The following DOK6 variants were observed in gnomAD, a reference collection of about 807,000 sequenced individuals.
The protein encoded by DOK6 is downstream of tyrosine kinase 6.
In DOK6, 22 loss-of-function variants were observed where a neutral mutation model predicts 44.0. The ratio of observed to expected loss-of-function variants is 0.50; its 90% CI spans 0.36 to 0.71. The LOEUF (loss-of-function observed/expected upper bound fraction) is 0.71, where lower values mean the gene tolerates loss of function less well. DOK6 is among the 30% of genes least tolerant of loss of function. The pLI is 0.00. For synonymous variants in DOK6, 166 were observed against 145.5 expected, an observed-to-expected ratio of 1.14 and a Z score of -1.01; for missense variants, 340 against 416.4, an observed-to-expected ratio of 0.82 and a Z score of 1.60.
At chr18:69,675,210 A>C (rs1985892770) in intron 3 of DOK6, among the ~76,000 whole-genome samples, 1 of 152,146 alleles carries the variant, frequency 6.6e-6, no homozygotes, top group Non-Finnish European at 1.5e-5. Flanking sequence ...CTCCAGTTTC[A>C]TAGAAGCCTT....
chr18:69,817,899 T>C (rs920783145), intron 7 of DOK6, among the ~76,000 whole-genome samples: 24 of 152,102 alleles, frequency 1.6e-4, no homozygotes, highest in African/African-American at 5.8e-4. Context: ...TTAATCCAAT[T>C]ATGGATTTTA....
chr18:69,417,595 G>C (rs891662256), intron 1 of DOK6, among the ~76,000 whole-genome samples: 2 of 151,996 alleles, frequency 1.3e-5, no homozygotes, highest in Non-Finnish European at 2.9e-5. Flanking sequence ...TGGGATTGCT[G>C]GATCATATGG....
At chr18:69,624,481 A>G (rs989544776) in intron 3 of DOK6, among the ~76,000 whole-genome samples, 1 of 152,142 alleles carries the variant, frequency 6.6e-6, no homozygotes, top group Admixed American at 6.5e-5. Context: ...AGGAAAAAAT[A>G]ATTGTAGTCT....
chr18:69,792,601 T>G (rs1014074917), intron 7 of DOK6, among the ~76,000 whole-genome samples: 7 of 152,136 alleles, frequency 4.6e-5, no homozygotes, highest in Admixed American at 3.9e-4. Context: ...CTTAGTTTTT[T>G]CCAAATATTA....
intron 1 of DOK6, among the ~76,000 whole-genome samples, chr18:69,536,979 CATTATT>C (rs6146369): frequency 3.5e-4 from 51 of 144,858 alleles, no homozygotes; most frequent in African/African-American, 7.0e-4. Context: ...GAAGATTTAT[CATTATT>C]ATTATTATTA....
intron 1 of DOK6, among the ~76,000 whole-genome samples, chr18:69,454,797 A>G (rs974164459): frequency 6.8e-5 from 10 of 146,626 alleles, no homozygotes; most frequent in African/African-American, 2.5e-4. Flanking sequence ...TTCTCAGTAA[A>G]CTGTCGCAAG....
At chr18:69,751,924 G>C (rs1444673517) in intron 6 of DOK6, among the ~76,000 whole-genome samples, 1 of 151,952 alleles carries the variant, frequency 6.6e-6, no homozygotes, top group African/African-American at 2.4e-5. Flanking sequence ...AGGAAATAAA[G>C]CTACAATTTA....
At chr18:69,569,957 A>G (rs1325286527) in intron 2 of DOK6, among the ~76,000 whole-genome samples, 4 of 152,018 alleles carry the variant, frequency 2.6e-5, no homozygotes, top group African/African-American at 7.2e-5. Context: ...ACCATATACC[A>G]CCTGTTCTCA....
At chr18:69,493,195 A>G (rs985892231) in intron 1 of DOK6, among the ~76,000 whole-genome samples, 21 of 152,196 alleles carry the variant, frequency 1.4e-4, no homozygotes, top group African/African-American at 5.1e-4. Flanking sequence ...ACTTTAAAAG[A>G]TTATAAAATA....
chr18:69,739,136 G>A, intron 6 of DOK6, 33 bp downstream of exon 6: 1 of 1,610,952 alleles, frequency 6.2e-7, no homozygotes, highest in Non-Finnish European at 8.5e-7. Flanking sequence ...CTATCAGCTT[G>A]GAAATGAATG....
intron 3 of DOK6, among the ~76,000 whole-genome samples, chr18:69,669,655 C>G (rs111376075): frequency 1.3e-5 from 2 of 152,216 alleles, no homozygotes; most frequent in South Asian, 4.1e-4. Flanking sequence ...AACTCTCCCT[C>G]GGACCCCTTC....
At chr18:69,407,878 A>C (rs924683419) in intron 1 of DOK6, among the ~76,000 whole-genome samples, 1 of 152,236 alleles carries the variant, frequency 6.6e-6, no homozygotes, top group Non-Finnish European at 1.5e-5. Context: ...GAACAAAGAC[A>C]TATTAATGCT....
At chr18:69,545,516 CA>C (rs397760145) in intron 1 of DOK6, among the ~76,000 whole-genome samples, 6,687 of 69,526 alleles carry the variant, frequency 0.096, 451 homozygotes, top group African/African-American at 0.23. Flanking sequence ...AGTGAAATAC[CA>C]AAAAAAAAAA....
At chr18:69,565,259 T>G (rs1246469305) in intron 2 of DOK6, among the ~76,000 whole-genome samples, 2 of 152,180 alleles carry the variant, frequency 1.3e-5, no homozygotes, top group Non-Finnish European at 2.9e-5. Context: ...TCAGTAAAGA[T>G]TTTAATTTCT....
At chr18:69,646,064 G>T (rs894899167) in intron 3 of DOK6, among the ~76,000 whole-genome samples, 1 of 152,010 alleles carries the variant, frequency 6.6e-6, no homozygotes, top group African/African-American at 2.4e-5. Context: ...TTTATTCTCT[G>T]CAGTTTTACT....
intron 1 of DOK6, among the ~76,000 whole-genome samples, chr18:69,560,158 A>G (rs547985817): frequency 2.0e-5 from 3 of 152,262 alleles, no homozygotes; most frequent in South Asian, 2.1e-4. Context: ...GAGCATCTTC[A>G]TGAGGTATAT....
rs1281235731 is a variant in DOK6 at position 69,848,113 on chromosome 18, T to G, written c.*6730T>G. On this transcript the variant is annotated 3_prime_UTR_variant, in exon 8 of 8. Transcript: ENST00000382713. Reference sequence around the variant, plus strand: ...GTGTTCCACTGAAGTTATCTTTTCCTTAATAGATTCACACAGAATTACCCC... The same window carrying G: ...GTGTTCCACTGAAGTTATCTTTTCCGTAATAGATTCACACAGAATTACCCC... The G allele has an allele frequency of 6.6e-6, 1 of 152,090 alleles. No homozygotes were observed. Among genetic ancestry groups the G allele is most frequent in the Non-Finnish European group, 1.5e-5 (1 of 68,022 alleles). 9.4% of individuals were successfully genotyped at this position (152,090 alleles called of 1,614,324 possible).
chr18:69,823,712 T>C (rs1294170655), intron 7 of DOK6, among the ~76,000 whole-genome samples: 1 of 151,968 alleles, frequency 6.6e-6, no homozygotes. Context: ...CATTCTCTTA[T>C]ATCAGCATCT....
intron 1 of DOK6, among the ~76,000 whole-genome samples, chr18:69,467,620 G>A (rs557551657): frequency 1.3e-5 from 2 of 152,072 alleles, no homozygotes; most frequent in South Asian, 2.1e-4. Context: ...AATTTAGCAC[G>A]TTTTCTATAA....
Sources: allele counts gnomAD v4.1 joint callset (sites outside exome capture counted in the v4.1 genomes callset), GRCh38; gene constraint gnomAD v4.1.1; transcripts MANE v1.5; gene names NCBI Gene and HGNC (gene_info 2026-07-23, HGNC 2026-07-21).